Variants in TPTE observed in about 807,000 individuals in gnomAD.
TPTE encodes the protein putative tyrosine-protein phosphatase TPTE.
TPTE carries 59 observed loss-of-function variants against 84.1 expected under a neutral mutation model. That is an observed-to-expected ratio of 0.70 (90% confidence interval 0.57 to 0.87). The LOEUF is 0.87. Ranked by LOEUF, TPTE falls within the 40% of genes least tolerant of loss-of-function variation. The probability of loss-of-function intolerance (pLI) is 0.00; values close to 1 mark genes in which losing one functional copy is unlikely to be tolerated. For missense variants in TPTE, 382 were observed against 659.6 expected (o/e 0.58, Z 4.61); for synonymous variants, 130 against 223.5 (o/e 0.58, Z 3.73).
intron 21 of TPTE, among the ~76,000 whole-genome samples, chr21:10,600,145 T>TTC (rs2075662433): frequency 6.6e-6 from 1 of 152,054 alleles, no homozygotes; most frequent in African/African-American, 2.4e-5. Context: ...TTTTTCTTTT[T>TTC]TTTTTTTTTT....
At chr21:10,537,007 T>C (rs369602032) in intron 3 of TPTE, among the ~76,000 whole-genome samples, 113 of 152,378 alleles carry the variant, frequency 7.4e-4, no homozygotes, top group African/African-American at 2.6e-3. Context: ...AGGCTAACAC[T>C]ACAAGCCCAC....
chr21:10,542,719 C>G (rs1479163027), intron 6 of TPTE, among the ~76,000 whole-genome samples: 1 of 152,304 alleles, frequency 6.6e-6, no homozygotes, highest in Non-Finnish European at 1.5e-5. Context: ...GGAATTTACT[C>G]TCAGGAGCCT....
intron 14 of TPTE, among the ~76,000 whole-genome samples, chr21:10,576,114 A>C (rs1453348185): frequency 6.6e-6 from 1 of 152,310 alleles, no homozygotes; most frequent in Non-Finnish European, 1.5e-5. Context: ...TCTTATAAAA[A>C]TACATGCATG....
intron 22 of TPTE, chr21:10,602,633 C>CACTG: frequency 1.9e-6 from 1 of 516,836 alleles, no homozygotes; most frequent in Non-Finnish European, 3.9e-6. Context: ...TAGCTGGGAG[C>CACTG]ACTGACTGGA....
chr21:10,605,422 A>C lies in TPTE; in HGVS notation c.1526A>C (p.Tyr509Ser). 6.2e-7 allele frequency: 1 copy of C among 1,613,988 alleles called. No individual in the cohort carries two copies. Among genetic ancestry groups the C allele is most frequent in the Non-Finnish European group, 8.5e-7 (1 of 1,179,906 alleles). Residue 509 changes from tyrosine to serine, a missense_variant, in exon 24 of 24, where the codon TAT (tyrosine) becomes TCT (serine). Tyr to Ser is a moderately radical substitution (Grantham distance 144). Transcript: ENST00000618007. ...TAATTTTTTTCTATTCTTAGGCTTT[A>C]TCTACCAAAAAATGAATTGGATAAT... ...HTSFIENNRLYLPKNELDNLH... is the reference protein window; with the variant it reads ...HTSFIENNRLSLPKNELDNLH...
At chr21:10,576,639 T>G (rs958926627) in intron 14 of TPTE, 2 of 152,502 alleles carry the variant, frequency 1.3e-5, no homozygotes, top group Admixed American at 1.3e-4. Flanking sequence ...ATTAAGCCAG[T>G]AAACATTGCT....
chr21:10,547,683 CTG>C (rs1373106914), intron 7 of TPTE, among the ~76,000 whole-genome samples: 5 of 152,302 alleles, frequency 3.3e-5, no homozygotes, highest in South Asian at 2.1e-4. Context: ...CCAGTAGCCA[CTG>C]TGCCTCTCCA....
chr21:10,528,447 G>A (rs1191065419), intron 3 of TPTE, among the ~76,000 whole-genome samples: 2 of 152,304 alleles, frequency 1.3e-5, no homozygotes, highest in African/African-American at 4.8e-5. Context: ...TTTTAAGTAA[G>A]CTAAGTCATA....
chr21:10,585,288 G>A (rs1373078209), intron 17 of TPTE, among the ~76,000 whole-genome samples: 1 of 152,014 alleles, frequency 6.6e-6, no homozygotes, highest in Non-Finnish European at 1.5e-5. Context: ...CGTTTAGCTT[G>A]CTAAGAGTTT....
At chr21:10,526,294 C>G (rs940920238) in intron 2 of TPTE, among the ~76,000 whole-genome samples, 12 of 152,306 alleles carry the variant, frequency 7.9e-5, no homozygotes, top group African/African-American at 2.9e-4. Context: ...CTCTGGCACT[C>G]CTTTCCTCAC....
At chr21:10,537,960 A>G (rs2145606311) in intron 3 of TPTE, among the ~76,000 whole-genome samples, 1 of 152,300 alleles carries the variant, frequency 6.6e-6, no homozygotes, top group East Asian at 1.9e-4. Flanking sequence ...AATTTAGATA[A>G]AAGATGACCA....
At chr21:10,541,742 G>T (rs1470234801) in intron 5 of TPTE, among the ~76,000 whole-genome samples, 1 of 152,310 alleles carries the variant, frequency 6.6e-6, no homozygotes, top group African/African-American at 2.4e-5. Flanking sequence ...TGGAAAAGCA[G>T]ATTTTCTGTG....
intron 2 of TPTE, among the ~76,000 whole-genome samples, chr21:10,525,346 A>G (rs1478548025): frequency 1.3e-5 from 2 of 152,306 alleles, no homozygotes; most frequent in African/African-American, 2.4e-5. Flanking sequence ...CCTGTAGTGT[A>G]TATTTAGAGA....
chr21:10,589,365 C>T (rs1214149341), intron 17 of TPTE, among the ~76,000 whole-genome samples: 1 of 152,422 alleles, frequency 6.6e-6, no homozygotes, highest in Non-Finnish European at 1.5e-5. Flanking sequence ...CTGGCTGTTG[C>T]CAGTGCTGCT....
intron 7 of TPTE, among the ~76,000 whole-genome samples, chr21:10,549,429 TGTAAG>T (rs1229511796): frequency 7.2e-5 from 11 of 152,418 alleles, no homozygotes; most frequent in African/African-American, 1.9e-4. Context: ...CTCAGTGAGA[TGTAAG>T]GTAATACAGA....
chr21:10,538,064 A>T (rs111632316), intron 3 of TPTE, among the ~76,000 whole-genome samples: 143 of 152,368 alleles, frequency 9.4e-4, no homozygotes, highest in African/African-American at 3.4e-3. Context: ...GTGAGACCTT[A>T]CTATAATGGC....
At position 10,570,563 on chromosome 21, in the gene TPTE, T is replaced by A. The variant is rs1234482815; in HGVS notation, c.795+14T>A. ...AATCCAATCAAGGTAAGGGTCTTTA[T>A]CTGACAAATACTCATTTCTTAGTGA... On this transcript the variant is annotated intron_variant, in intron 14 of 23. Transcript: ENST00000618007. 1 of 1,614,022 alleles carries A rather than the reference T, an allele frequency of 6.2e-7. No homozygotes were observed. The highest frequency in any genetic ancestry group is 1.1e-5 in the South Asian group (1 of 91,078).
intron 4 of TPTE, 76 bp from the exon 5 acceptor site, chr21:10,541,036 A>G: frequency 6.3e-7 from 1 of 1,595,582 alleles, no homozygotes; most frequent in Non-Finnish European, 8.6e-7. Context: ...AATGACACAT[A>G]GACTAACTGT....
intron 13 of TPTE, among the ~76,000 whole-genome samples, chr21:10,570,039 C>T (rs1361604105): frequency 1.3e-5 from 2 of 152,304 alleles, no homozygotes; most frequent in Admixed American, 6.5e-5. Flanking sequence ...TCCCAGGGAT[C>T]CCATGGAGAC....
Sources: allele counts gnomAD v4.1 joint callset (sites outside exome capture counted in the v4.1 genomes callset), GRCh38; gene constraint gnomAD v4.1.1; transcripts MANE v1.5; gene names NCBI Gene and HGNC (gene_info 2026-07-23, HGNC 2026-07-21).